The following CHEK2 variants were observed in gnomAD, a reference collection of about 807,000 sequenced individuals.
The protein encoded by CHEK2 is serine/threonine-protein kinase Chk2.
In CHEK2, 71 loss-of-function variants were observed where a neutral mutation model predicts 69.1. The ratio of observed to expected loss-of-function variants is 1.03; its 90% CI spans 0.85 to 1.25. CHEK2 has a LOEUF of 1.25. CHEK2 is among the 50% of genes most tolerant of loss of function. The pLI is 0.00. For missense variants in CHEK2, 664 were observed against 649.6 expected (o/e 1.02, Z -0.24); for synonymous variants, 189 against 226.9 (o/e 0.83, Z 1.50).
In CHEK2 at chr22:28,708,971, A is replaced by AAAAC. The variant is rs748092743; in HGVS notation, c.846+1031_846+1034dup. On this transcript the variant is annotated intron_variant, in intron 7 of 14. Transcript: ENST00000404276. Reference sequence around the variant, plus strand: ...CCGTCTCAAAAAAAAAAAAAAAAAAAAAACAAACAAAAAAAATGCCAGAAT... The same window carrying AAAAC: ...CCGTCTCAAAAAAAAAAAAAAAAAAAAAACAAACAAACAAAAAAAATGCCAGAAT... 7.5e-4 allele frequency: 304 copies of AAAAC among 403,784 alleles called. 1 individual carries two copies. Among genetic ancestry groups the AAAAC allele is most frequent in the South Asian group, 1.1e-3 (63 of 56,214 alleles). The allele number at this position is 403,784 out of a possible 1,614,324, so 25.0% of individuals were successfully genotyped here.
chr22:28,716,018 G>GC (rs1000243736), intron 5 of CHEK2, among the ~76,000 whole-genome samples: 1 of 151,434 alleles, frequency 6.6e-6, no homozygotes, highest in Non-Finnish European at 1.5e-5. Context: ...GGTGCAGACC[G>GC]CAACGCTCAG....
intron 4 of CHEK2, among the ~76,000 whole-genome samples, chr22:28,722,539 C>CAAAAAAAAAA (rs755107963): frequency 1.3e-3 from 89 of 67,498 alleles, no homozygotes; most frequent in Non-Finnish European, 1.6e-3. Flanking sequence ...GACTCCGTCT[C>CAAAAAAAAAA]AAAAAAAAAA....
chr22:28,697,487 C>G (rs952598353), intron 9 of CHEK2, among the ~76,000 whole-genome samples: 1 of 151,866 alleles, frequency 6.6e-6, no homozygotes, highest in Non-Finnish European at 1.5e-5. Flanking sequence ...AAGACTTTGT[C>G]TTTGAAAAAA....
chr22:28,741,310 C>T, intron 1 of CHEK2, among the ~76,000 whole-genome samples: 1 of 150,448 alleles, frequency 6.6e-6, no homozygotes, highest in Non-Finnish European at 1.5e-5. Flanking sequence ...CTGATGCCCT[C>T]CTACCCACTT....
chr22:28,738,411 G>A (rs1036610802), intron 1 of CHEK2, among the ~76,000 whole-genome samples: 7 of 152,122 alleles, frequency 4.6e-5, no homozygotes, highest in South Asian at 2.1e-4. Flanking sequence ...AGAGGCAAGC[G>A]GATCTGGAGT....
chr22:28,696,069 A>G (rs1305581591), intron 10 of CHEK2, among the ~76,000 whole-genome samples, 196 bp from the exon 11 acceptor site: 1 of 152,206 alleles, frequency 6.6e-6, no homozygotes, highest in Admixed American at 6.5e-5. Flanking sequence ...AAAATTCCTG[A>G]GCCTAGGAAT....
chr22:28,699,764 G>A (rs1282278226), intron 9 of CHEK2, 74 bp downstream of exon 9: 7 of 1,051,690 alleles, frequency 6.7e-6, no homozygotes, highest in Middle Eastern at 2.0e-4. Flanking sequence ...ACGGTCCCTC[G>A]ATTTCTGCCT....
chr22:28,730,893 A>C (rs1446607442), intron 2 of CHEK2, among the ~76,000 whole-genome samples: 1 of 152,008 alleles, frequency 6.6e-6, no homozygotes, highest in Non-Finnish European at 1.5e-5. Flanking sequence ...TGAATAAAGG[A>C]CCTTAATTAA....
At chr22:28,698,403 TAAAC>T (rs1422044454) in intron 9 of CHEK2, among the ~76,000 whole-genome samples, 1 of 151,750 alleles carries the variant, frequency 6.6e-6, no homozygotes, top group African/African-American at 2.4e-5. Context: ...TCAAAAAAAA[TAAAC>T]AAATAAAAAT....
At chr22:28,722,308 A>G (rs1048651635) in intron 4 of CHEK2, among the ~76,000 whole-genome samples, 1 of 151,986 alleles carries the variant, frequency 6.6e-6, no homozygotes, top group African/African-American at 2.4e-5. Context: ...TGGAAGGCCG[A>G]GGCGGAAGGA....
chr22:28,717,570 A>C (rs1388089549), intron 5 of CHEK2, among the ~76,000 whole-genome samples: 3 of 151,452 alleles, frequency 2.0e-5, no homozygotes, highest in Admixed American at 6.6e-5. Flanking sequence ...TCATCTCTAC[A>C]GTAAAAAAAA....
chr22:28,701,538 C>G (rs1254383774), intron 8 of CHEK2, among the ~76,000 whole-genome samples: 1 of 152,122 alleles, frequency 6.6e-6, no homozygotes, highest in Non-Finnish European at 1.5e-5. Flanking sequence ...TTAATGATCA[C>G]CCTGCATAGA....
chr22:28,699,600 T>C (rs2052740769), intron 9 of CHEK2, among the ~76,000 whole-genome samples: 1 of 151,866 alleles, frequency 6.6e-6, no homozygotes, highest in South Asian at 2.1e-4. Flanking sequence ...CTTGACCTCG[T>C]GATCCGCCCG....
chr22:28,714,679 C>T (rs1469592936), intron 5 of CHEK2, among the ~76,000 whole-genome samples: 1 of 152,020 alleles, frequency 6.6e-6, no homozygotes, highest in Non-Finnish European at 1.5e-5. Flanking sequence ...TGTTGCTGTG[C>T]TTTTGGTGTC....
chr22:28,717,938 G>A (rs983539902), intron 5 of CHEK2, among the ~76,000 whole-genome samples: 12 of 152,056 alleles, frequency 7.9e-5, no homozygotes, highest in East Asian at 1.9e-4. Flanking sequence ...AAAATTAGCC[G>A]GCTGTGATGG....
chr22:28,720,562 G>A (rs1226054378), intron 4 of CHEK2, among the ~76,000 whole-genome samples: 2 of 152,148 alleles, frequency 1.3e-5, no homozygotes, highest in African/African-American at 2.4e-5. Flanking sequence ...ATCTTGAAAG[G>A]TGAAATTTGT....
At chr22:28,717,012 T>TA (rs1206213264) in intron 5 of CHEK2, among the ~76,000 whole-genome samples, 2 of 152,204 alleles carry the variant, frequency 1.3e-5, no homozygotes, top group African/African-American at 4.8e-5. Flanking sequence ...AGCCAGATGT[T>TA]AAAAAAATTT....
At chr22:28,721,608 G>C (rs1005201891) in intron 4 of CHEK2, 2 of 462,508 alleles carry the variant, frequency 4.3e-6, no homozygotes, top group Non-Finnish European at 8.9e-6. Flanking sequence ...AATCAGCTGA[G>C]AGAGTAGATT....
chr22:28,737,302 A>G (rs2054440135), intron 1 of CHEK2: 1 of 479,106 alleles, frequency 2.1e-6, no homozygotes, highest in Admixed American at 2.5e-5. Flanking sequence ...TTTTATTTCC[A>G]TATTAAATTG....
Sources: allele counts gnomAD v4.1 joint callset (sites outside exome capture counted in the v4.1 genomes callset), GRCh38; gene constraint gnomAD v4.1.1; transcripts MANE v1.5; gene names NCBI Gene and HGNC (gene_info 2026-07-23, HGNC 2026-07-21).